WDR17: variants seen among roughly 807,000 people sequenced by gnomAD.
WDR17 encodes the protein WD repeat-containing protein 17.
Under a neutral mutation model 161.7 loss-of-function variants are expected in WDR17, and 143 were observed. The observed-to-expected ratio is 0.88, with a 90% confidence interval of 0.77 to 1.02. The LOEUF (loss-of-function observed/expected upper bound fraction) is 1.02. WDR17 is among the 50% of genes least tolerant of loss of function. The probability of loss-of-function intolerance (pLI) is 0.00; values close to 1 mark genes in which losing one functional copy is unlikely to be tolerated. For missense variants in WDR17, 1,469 were observed against 1,520.9 expected, an observed-to-expected ratio of 0.97 and a Z score of 0.57; for synonymous variants, 517 against 515.6, an observed-to-expected ratio of 1.00 and a Z score of -0.04.
Position 176,115,822 on chromosome 4 carries a change from A to G in WDR17, c.150A>G (p.Lys50=), listed in dbSNP as rs1201022642. The change falls in exon 3 of 29, where the codon AAA becomes AAG. Residue 50 remains lysine (K), a synonymous_variant. Coordinates refer to ENST00000508596, the MANE Select transcript of WDR17 (RefSeq NM_181265.4). ...YQLDHRYNEF[K]LHAIMSEHKK... is the part of the protein sequence containing the mutation. ...TGGATCACCGTTATAATGAATTCAA[A>G]CTTCACGCAATTATGTCTGAACATA... is the stretch of plus-strand genomic sequence containing the variant. The G allele has an allele frequency of 1.2e-6, 2 of 1,606,964 alleles. No individual in the cohort carries two copies. The highest frequency in any genetic ancestry group is 1.7e-6 in the Non-Finnish European group (2 of 1,176,440).
chr4:176,116,097 G>A (rs1740582006), intron 3 of WDR17, 118 bp downstream of exon 3: 4 of 1,017,580 alleles, frequency 3.9e-6, no homozygotes, highest in Non-Finnish European at 5.5e-6. Context: ...ATGGTAATCT[G>A]TATAAGAAAT....
At position 176,123,934 on chromosome 4, in the gene WDR17, C is replaced by T. The variant is rs191960529; in HGVS notation, c.539-1170C>T. Among the ~76,000 whole-genome samples, 81 of 152,306 alleles carry T rather than the reference C, an allele frequency of 5.3e-4. No homozygotes were observed. In the Middle Eastern group the frequency reaches 0.01, roughly 19 times the overall value. On this transcript the variant is annotated intron_variant, in intron 4 of 28. Coordinates refer to ENST00000508596, the MANE Select transcript of WDR17 (RefSeq NM_181265.4). ...AAGCCACCTAGTGGCCACCAGCTAC[C>T]TAGTCAACTCATTAGCATACAAAAA... is the stretch of plus-strand genomic sequence containing the variant.
At chr4:176,116,746 G>A (rs1173121657) in intron 3 of WDR17, among the ~76,000 whole-genome samples, 2 of 151,754 alleles carry the variant, frequency 1.3e-5, no homozygotes, top group Non-Finnish European at 3.0e-5. Context: ...CTTTGTAATA[G>A]TCTAAGGCAA....
intron 9 of WDR17, 31 bp from the exon 10 acceptor site, chr4:176,139,861 C>T (rs747647789): frequency 3.6e-5 from 56 of 1,545,706 alleles, no homozygotes; most frequent in Non-Finnish European, 4.8e-5. Flanking sequence ...TGAATTATTT[C>T]TTATTGATAG....
chr4:176,135,463 T>C, intron 8 of WDR17, 187 bp downstream of exon 8: 1 of 630,096 alleles, frequency 1.6e-6, no homozygotes, highest in Admixed American at 3.0e-5. Context: ...AGAGGCACTT[T>C]GATTCCTGGT....
intron 1 of WDR17, among the ~76,000 whole-genome samples, chr4:176,069,732 C>T (rs993627130): frequency 4.6e-5 from 7 of 151,990 alleles, no homozygotes; most frequent in Non-Finnish European, 7.4e-5. Flanking sequence ...TTTCATATCA[C>T]GCACACAGAA....
chr4:176,102,990 C>T (rs147531579), intron 1 of WDR17, among the ~76,000 whole-genome samples: 231 of 152,294 alleles, frequency 1.5e-3, no homozygotes, highest in Middle Eastern at 6.8e-3. Context: ...TCTACTGCTT[C>T]TGATCACAGA....
At chr4:176,113,037 A>G (rs962350235) in intron 2 of WDR17, among the ~76,000 whole-genome samples, 1 of 152,126 alleles carries the variant, frequency 6.6e-6, no homozygotes, top group African/African-American at 2.4e-5. Flanking sequence ...TTAAGACTGT[A>G]GAAATATCTA....
Position 176,145,924 on chromosome 4 carries a change from AT to A in WDR17, c.1530-70del, listed in dbSNP as rs879061665. 3.1e-5 allele frequency: 41 copies of A among 1,342,174 alleles called. No individual in the cohort carries two copies. The South Asian group carries it at 5.7e-4, about 19-fold the overall frequency. 83.1% of individuals were successfully genotyped at this position (1,342,174 alleles called of 1,614,324 possible). A position where few individuals can be genotyped will look rare whatever the true frequency, so the allele number is the denominator to read the frequency against. ...AATTCTACTTTTAGAAATTAGAACT[AT>A]GGTATACCTTTAATTATTAGTTATA... On this transcript the variant is annotated intron_variant, in intron 11 of 28. Coordinates refer to ENST00000508596, the MANE Select transcript of WDR17 (RefSeq NM_181265.4).
At chr4:176,168,849 C>G (rs898377430) in intron 23 of WDR17, 66 bp downstream of exon 23, 5 of 1,542,564 alleles carry the variant, frequency 3.2e-6, no homozygotes, top group Non-Finnish European at 4.4e-6. Context: ...ATTGTAGGTT[C>G]AAGCAAATAG....
chr4:176,105,865 A>G (rs1738631325), intron 1 of WDR17, among the ~76,000 whole-genome samples: 1 of 152,092 alleles, frequency 6.6e-6, no homozygotes, highest in Non-Finnish European at 1.5e-5. Context: ...CTAAGCAGAG[A>G]TAAATGAAGT....
Position 176,168,722 on chromosome 4 carries a change from T to G in WDR17, c.3041T>G (p.Leu1014Ter). ...LLMIPDNELH[L>*]IKLCAFYPGC... ...ATGATTCCTGATAATGAACTACATT[T>G]AATAAAACTCTGTGCTTTCTACCCA... is the stretch of plus-strand genomic sequence containing the variant. Residue 1014 changes from leucine (L) to a stop codon, truncating the protein, a stop_gained, in exon 23 of 29, where the codon TTA becomes TGA. Coordinates refer to ENST00000508596, the MANE Select transcript of WDR17 (RefSeq NM_181265.4). LOFTEE classifies it high-confidence loss of function. 6.2e-7 allele frequency: 1 copy of G among 1,613,632 alleles called. No homozygotes were observed. Among genetic ancestry groups the G allele is most frequent in the South Asian group, 1.1e-5 (1 of 91,026 alleles).
chr4:176,074,871 A>G (rs1487051952), intron 1 of WDR17, among the ~76,000 whole-genome samples: 1 of 129,342 alleles, frequency 7.7e-6, no homozygotes, highest in South Asian at 2.4e-4. Flanking sequence ...CTCAATAAAT[A>G]TTTATTGAGT....
chr4:176,143,716 T>C (rs1332299226), intron 11 of WDR17, among the ~76,000 whole-genome samples: 2 of 152,040 alleles, frequency 1.3e-5, no homozygotes, highest in Non-Finnish European at 2.9e-5. Context: ...CTCTTTTTTT[T>C]CCTAACCATC....
At chr4:176,177,431 A>C (rs1751602323) in intron 27 of WDR17, 40 bp from the exon 28 acceptor site, 1 of 1,483,776 alleles carries the variant, frequency 6.7e-7, no homozygotes, top group Non-Finnish European at 9.0e-7. Context: ...AAATTCTGTG[A>C]TTCGACAAAA....
In WDR17 at chr4:176,179,797, G is replaced by A. The variant is rs748469804; in HGVS notation, c.*218G>A. The A allele has an allele frequency of 5.4e-5, 12 of 220,306 alleles. No individual in the cohort carries two copies. The highest frequency in any genetic ancestry group is 9.4e-5 in the Non-Finnish European group (11 of 116,782). 13.6% of individuals were successfully genotyped at this position (220,306 alleles called of 1,614,324 possible). A position where few individuals can be genotyped will look rare whatever the true frequency, so the allele number is the denominator to read the frequency against. ...GGTGCCTCCTTTATAAACAGTAATA[G>A]CTACGTTTGGGAAGGAGGAAACATT... On this transcript the variant is annotated 3_prime_UTR_variant, in exon 29 of 29. Transcript: ENST00000508596.
intron 1 of WDR17, among the ~76,000 whole-genome samples, chr4:176,105,537 A>G (rs533487373): frequency 1.3e-5 from 2 of 152,258 alleles, no homozygotes; most frequent in Non-Finnish European, 2.9e-5. Flanking sequence ...ACACTGTGGG[A>G]TAAAGTTAGA....
At position 176,149,918 on chromosome 4, in the gene WDR17, T is replaced by C; in HGVS notation, c.2009T>C (p.Leu670Pro). The part of the protein sequence containing the change: ...ALVTPVQINI[L>P]ADRSWEEIIG... ...GTCACTCCTGTACAAATAAATATTC[T>C]GGCAGACAGATCTTGGGAAGAAATT... The change falls in exon 14 of 29, where the codon CTG becomes CCG. Residue 670 changes from leucine (L) to proline (P), a missense_variant. Transcript: ENST00000508596. 2.5e-6 allele frequency: 4 copies of C among 1,613,696 alleles called. No homozygotes were observed. The highest frequency in any genetic ancestry group is 3.4e-6 in the Non-Finnish European group (4 of 1,179,968).
At chr4:176,160,211 A>T in intron 19 of WDR17, 85 bp downstream of exon 19, 1 of 1,492,822 alleles carries the variant, frequency 6.7e-7, no homozygotes. Context: ...GCTCACCCTT[A>T]CATAATTGAC....
Sources: gnomAD v4.1 joint callset for allele counts (sites outside exome capture counted in the v4.1 genomes callset) on GRCh38, gnomAD v4.1.1 for gene constraint, MANE v1.5 for transcripts, NCBI Gene and HGNC (gene_info 2026-07-23, HGNC 2026-07-21) for gene names.